The following EXOC3L4 variants were observed in gnomAD, a reference collection of about 807,000 sequenced individuals.
EXOC3L4 encodes exocyst complex component 3-like protein 4.
A neutral mutation model predicts 69.7 loss-of-function variants in EXOC3L4; 62 were observed. The observed-to-expected ratio is 0.89, with a 90% CI of 0.72 to 1.10. The LOEUF (loss-of-function observed/expected upper bound fraction) is 1.10, where lower values mean the gene tolerates loss of function less well. EXOC3L4 is among the 50% of genes least tolerant of loss of function. EXOC3L4 has a pLI of 0.00. For missense variants in EXOC3L4, 1,087 were observed against 1,034.8 expected (o/e 1.05, Z -0.69); for synonymous variants, 502 against 464.2 (o/e 1.08, Z -1.05).
chr14:103,096,125 G>A (rs1393047033), intron 1 of EXOC3L4, among the ~76,000 whole-genome samples: 1 of 152,200 alleles, frequency 6.6e-6, no homozygotes, highest in Non-Finnish European at 1.5e-5. Context: ...GCTGAGGCAG[G>A]AGGATTATTT....
Position 103,102,496 on chromosome 14 carries a change from G to GGCGGCC in EXOC3L4, c.775_780dup (p.Arg259_Pro260dup). The GGCGGCC allele has an allele frequency of 7.2e-7, 1 of 1,382,634 alleles. No individual in the cohort carries two copies. Among genetic ancestry groups the GGCGGCC allele is most frequent in the Non-Finnish European group, 9.3e-7 (1 of 1,075,456 alleles). 85.6% of individuals were successfully genotyped at this position (1,382,634 alleles called of 1,614,324 possible). On this transcript the variant is annotated inframe_insertion, in exon 3 of 12. Coordinates refer to ENST00000688303, the MANE Select transcript of EXOC3L4 (RefSeq NM_001077594.2). ...CGGCGAAGCGCTCAGGAGCGCGTGCGGCGGCCGGGCGCGGGGTGGGCCTTC... is the reference window on the plus strand; with the variant it reads ...CGGCGAAGCGCTCAGGAGCGCGTGCGGCGGCCGCGGCCGGGCGCGGGGTGGGCCTTC...
In EXOC3L4 at chr14:103,100,449, G is replaced by T. The variant is rs61730321; in HGVS notation, c.230G>T (p.Arg77Leu). The stretch of plus-strand genomic sequence containing the variant: ...TCCAAGGAAGATACGGGCCTGTTCC[G>T]GCGAAGCTCCTGCTCCCTGTTCCGG... ...QVSKEDTGLFRRSSCSLFRSF... is the reference protein window; with the variant it reads ...QVSKEDTGLFLRSSCSLFRSF... The change falls in exon 2 of 12, where the codon CGG becomes CTG. Residue 77 changes from arginine (R) to leucine (L), a missense_variant. Physicochemically the swap from Arg to Leu is moderately radical, Grantham distance 102 (BLOSUM62 -2). Coordinates refer to ENST00000688303, the MANE Select transcript of EXOC3L4 (RefSeq NM_001077594.2). The T allele has an allele frequency of 6.8e-6, 11 of 1,613,234 alleles. No homozygotes were observed. The highest frequency in any genetic ancestry group is 4.5e-5 in the East Asian group (2 of 44,894).
At position 103,110,390 on chromosome 14, in the gene EXOC3L4, G is replaced by A; in HGVS notation, c.*167G>A. 1.2e-6 allele frequency: 1 copy of A among 831,134 alleles called. No homozygotes were observed. The highest frequency in any genetic ancestry group is 2.0e-6 in the Non-Finnish European group (1 of 504,734). The allele number at this position is 831,134 out of a possible 1,614,324, so 51.5% of individuals were successfully genotyped here. ...CGCAGCTGTCAGGCCAGAAGGAGCA[G>A]CCGTGCAGGAGGCATTTCAGGCATC... On this transcript the variant is annotated 3_prime_UTR_variant, in exon 12 of 12. Transcript: ENST00000688303.
chr14:103,103,104 C>T lies in EXOC3L4; in HGVS notation c.1049+332C>T, dbSNP rs375502510. 3.0e-4 allele frequency among the ~76,000 whole-genome samples: 45 copies of T among 152,234 alleles called. No homozygotes were observed. The South Asian group carries it at 7.3e-3, about 25-fold the overall frequency. The stretch of plus-strand genomic sequence containing the variant: ...TCTTGGCCAGGCGCCATGGCTCACG[C>T]CTGTAATCCCAGCATTTTGGGAGGC... On this transcript the variant is annotated intron_variant, in intron 3 of 11. Coordinates refer to ENST00000688303, the MANE Select transcript of EXOC3L4 (RefSeq NM_001077594.2).
intron 1 of EXOC3L4, among the ~76,000 whole-genome samples, chr14:103,096,179 C>A (rs1211818184): frequency 2.6e-5 from 4 of 151,908 alleles, no homozygotes; most frequent in Admixed American, 1.3e-4. Flanking sequence ...ATAATGAGAC[C>A]CCTGTCTCTA....
In EXOC3L4 at chr14:103,100,609, G is replaced by C. The variant is rs751834025; in HGVS notation, c.390G>C (p.Glu130Asp). 1.2e-6 allele frequency: 2 copies of C among 1,600,552 alleles called. No individual in the cohort carries two copies. The highest frequency in any genetic ancestry group is 1.7e-6 in the Non-Finnish European group (2 of 1,170,562). Residue 130 changes from glutamate to aspartate, a missense_variant, in exon 2 of 12, where the codon GAG (glutamate) becomes GAC (aspartate). Glu to Asp is a conservative substitution (Grantham distance 45). Transcript: ENST00000688303. ...TGAASEELKP[E>D]AEGKSVADLI... is the part of the protein sequence containing the mutation. Reference sequence around the variant, plus strand: ...CAGCGTCTGAGGAACTGAAACCCGAGGCAGGTAAGGGCCTCAGAAACAACA... The same window carrying C: ...CAGCGTCTGAGGAACTGAAACCCGACGCAGGTAAGGGCCTCAGAAACAACA...
intron 6 of EXOC3L4, 32 bp from the exon 7 acceptor site, chr14:103,104,960 G>T: frequency 6.3e-7 from 1 of 1,598,366 alleles, no homozygotes; most frequent in Non-Finnish European, 8.6e-7. Context: ...AGCTAGGGAG[G>T]GTCCCCAAAG....
At chr14:103,099,208 A>T (rs1890038583) in intron 1 of EXOC3L4, among the ~76,000 whole-genome samples, 1 of 151,850 alleles carries the variant, frequency 6.6e-6, no homozygotes, top group African/African-American at 2.4e-5. Flanking sequence ...GCCCTCCCCC[A>T]CCCATGGCCC....
rs777165139 is a variant in EXOC3L4 at position 103,108,479 on chromosome 14, G to A, written c.1938G>A (p.Arg646=). Residue 646 remains arginine, a synonymous_variant, in exon 11 of 12, where the codon CGG becomes CGA. Coordinates refer to ENST00000688303, the MANE Select transcript of EXOC3L4 (RefSeq NM_001077594.2). ...AGACCTACAAAGATGACATCCAGCGGCACCTGGAGACTCTTATCCGGAGCT... is the reference window on the plus strand; with the variant it reads ...AGACCTACAAAGATGACATCCAGCGACACCTGGAGACTCTTATCCGGAGCT... ...LGETYKDDIQ[R]HLETLIRSYP... 2 of 1,613,816 alleles carry A rather than the reference G, an allele frequency of 1.2e-6. No homozygotes were observed. Among genetic ancestry groups the A allele is most frequent in the African/African-American group, 2.7e-5 (2 of 74,898 alleles).
At chr14:103,099,379 C>A (rs1355953890) in intron 1 of EXOC3L4, among the ~76,000 whole-genome samples, 2 of 152,204 alleles carry the variant, frequency 1.3e-5, no homozygotes, top group African/African-American at 4.8e-5. Flanking sequence ...CTCAGCCACC[C>A]CCATGTCCCT....
intron 1 of EXOC3L4, among the ~76,000 whole-genome samples, chr14:103,096,228 C>T (rs144850894): frequency 1.3e-5 from 2 of 152,248 alleles, no homozygotes; most frequent in African/African-American, 4.8e-5. Flanking sequence ...GTGTTGCGCA[C>T]CTGTAGTCCC....
rs545016554 is a variant in EXOC3L4 at position 103,104,856 on chromosome 14, G to C, written c.1385+18G>C. On this transcript the variant is annotated intron_variant, in intron 6 of 11. Transcript: ENST00000688303. ...GTGCCCAGGTGCGGACGCATCCTCA[G>C]TAGGGGAGCGACCTGGCCGGGTGCG... 4.6e-6 allele frequency: 7 copies of C among 1,513,118 alleles called. No individual in the cohort carries two copies. The African/African-American group carries it at 8.3e-5, about 18-fold the overall frequency. The allele number at this position is 1,513,118 out of a possible 1,614,324, so 93.7% of individuals were successfully genotyped here. A position where few individuals can be genotyped will look rare whatever the true frequency, so the allele number is the denominator to read the frequency against.
intron 1 of EXOC3L4, among the ~76,000 whole-genome samples, chr14:103,095,832 C>T (rs1271183025): frequency 6.6e-6 from 1 of 152,166 alleles, no homozygotes; most frequent in Non-Finnish European, 1.5e-5. Flanking sequence ...TAATTTTCAG[C>T]CTCAGATTTT....
chr14:103,099,740 G>A (rs1459778330), intron 1 of EXOC3L4, among the ~76,000 whole-genome samples: 1 of 152,184 alleles, frequency 6.6e-6, no homozygotes, highest in Non-Finnish European at 1.5e-5. Flanking sequence ...GGGACCTGGA[G>A]GGCAGTGAAG....
upstream of EXOC3L4, among the ~76,000 whole-genome samples, chr14:103,094,511 G>A (rs75039102): frequency 1.2e-4 from 19 of 152,288 alleles, no homozygotes; most frequent in East Asian, 1.7e-3. Context: ...CCTGAGTGCC[G>A]AGCTCCGCAG....
intron 3 of EXOC3L4, chr14:103,103,612 G>T: frequency 3.4e-6 from 1 of 296,214 alleles, no homozygotes; most frequent in Non-Finnish European, 6.3e-6. Context: ...GGTCAGACCC[G>T]TGTCCGCCCT....
chr14:103,095,494 G>C (rs201992875), intron 1 of EXOC3L4, among the ~76,000 whole-genome samples: 10 of 101,194 alleles, frequency 9.9e-5, no homozygotes, highest in Admixed American at 9.6e-4. Context: ...ACTGAAGAAG[G>C]AGGGGCTGAG....
At chr14:103,100,075 C>A in intron 1 of EXOC3L4, 129 bp from the exon 2 acceptor site, 1 of 1,062,386 alleles carries the variant, frequency 9.4e-7, no homozygotes, top group Non-Finnish European at 1.3e-6. Context: ...GTGATGCTTC[C>A]TTTTGACAGC....
At position 103,110,187 on chromosome 14, in the gene EXOC3L4, G is replaced by A. The variant is rs888035258; in HGVS notation, c.2133G>A (p.Val711=). ...GCGTGCTCTTCGAGGAGATCAAGGTGCCCAGTGCCATGGCTGTGCTGATCA... is the reference window on the plus strand; with the variant it reads ...GCGTGCTCTTCGAGGAGATCAAGGTACCCAGTGCCATGGCTGTGCTGATCA... ...RGRVLFEEIK[V]PSAMAVLITC... is the part of the protein sequence containing the mutation. Residue 711 remains valine, a synonymous_variant, in exon 12 of 12, where the codon GTG becomes GTA. Transcript: ENST00000688303. 1.1e-5 allele frequency: 16 copies of A among 1,523,614 alleles called. No homozygotes were observed. The highest frequency in any genetic ancestry group is 1.4e-5 in the Non-Finnish European group (16 of 1,133,998). The allele number at this position is 1,523,614 out of a possible 1,614,324, so 94.4% of individuals were successfully genotyped here. A position where few individuals can be genotyped will look rare whatever the true frequency, so the allele number is the denominator to read the frequency against.
Sources: gnomAD v4.1 joint callset for allele counts (sites outside exome capture counted in the v4.1 genomes callset) on GRCh38, gnomAD v4.1.1 for gene constraint, MANE v1.5 for transcripts, NCBI Gene and HGNC (gene_info 2026-07-23, HGNC 2026-07-21) for gene names.